The following RIT2 variants were observed in gnomAD, a reference collection of about 807,000 sequenced individuals.
The protein encoded by RIT2 is GTP-binding protein Rit2.
In RIT2, 24 loss-of-function variants were observed where a neutral mutation model predicts 23.7. The ratio of observed to expected loss-of-function variants is 1.01; its 90% CI spans 0.73 to 1.43. The LOEUF (loss-of-function observed/expected upper bound fraction) is 1.43, where lower values mean the gene tolerates loss of function less well. Among genes scored for constraint, RIT2 ranks in the 40% most tolerant of loss-of-function variants. The pLI is 0.00. For synonymous variants in RIT2, 107 were observed against 91.1 expected (o/e 1.17, Z -0.99); for missense variants, 236 against 266.9 (o/e 0.88, Z 0.81).
intron 4 of RIT2, among the ~76,000 whole-genome samples, chr18:42,797,164 C>T (rs1905389759): frequency 6.6e-6 from 1 of 152,150 alleles, no homozygotes; most frequent in Non-Finnish European, 1.5e-5. Context: ...TCCTTCCCTG[C>T]TCTTTAGCTT....
chr18:42,837,015 C>G (rs1906623041), intron 4 of RIT2, among the ~76,000 whole-genome samples: 2 of 152,082 alleles, frequency 1.3e-5, no homozygotes, highest in South Asian at 4.2e-4. Flanking sequence ...CTTCTTCCAA[C>G]TGTCATACCT....
chr18:42,975,070 C>A (rs900131540), intron 2 of RIT2, among the ~76,000 whole-genome samples: 3 of 152,056 alleles, frequency 2.0e-5, no homozygotes, highest in African/African-American at 7.2e-5. Flanking sequence ...CTGATTTTCA[C>A]TCCCAGCAGC....
intron 1 of RIT2, among the ~76,000 whole-genome samples, chr18:43,089,294 G>A (rs189449365): frequency 5.9e-5 from 9 of 151,972 alleles, no homozygotes; most frequent in Admixed American, 2.0e-4. Context: ...ATGAAGCCGA[G>A]AGCCAAATCA....
intron 4 of RIT2, among the ~76,000 whole-genome samples, chr18:42,870,624 G>A (rs1345299660): frequency 1.3e-5 from 2 of 152,018 alleles, no homozygotes; most frequent in Non-Finnish European, 2.9e-5. Flanking sequence ...TCTTTAAAAC[G>A]CTACTACTGA....
rs528463319 is a variant in RIT2, at chr18:43,019,804, A to T, written c.160+14007T>A. ...AGAAAACCCTAAAGACTCCGCTAGA[A>T]TACACTTAGATCTGATAAATGTATT... On this transcript the variant is annotated intron_variant, in intron 2 of 4. Coordinates refer to ENST00000326695, the MANE Select transcript of RIT2 (RefSeq NM_002930.4). Among the ~76,000 whole-genome samples the T allele has an allele frequency of 4.6e-5, 7 of 152,248 alleles. No individual in the cohort carries two copies. The East Asian group carries it at 1.4e-3, about 29-fold the overall frequency.
intron 4 of RIT2, among the ~76,000 whole-genome samples, chr18:42,919,810 T>C (rs1015703547): frequency 6.6e-6 from 1 of 152,124 alleles, no homozygotes; most frequent in African/African-American, 2.4e-5. Context: ...TGCTTCTACT[T>C]TGCACAGCCG....
At chr18:43,113,728 T>C (rs762863969) in intron 1 of RIT2, among the ~76,000 whole-genome samples, 8 of 152,138 alleles carry the variant, frequency 5.3e-5, no homozygotes, top group Non-Finnish European at 1.2e-4. Flanking sequence ...AGGCTAAAAA[T>C]CAGTCACTCT....
intron 1 of RIT2, among the ~76,000 whole-genome samples, chr18:43,083,953 C>G (rs1913219493): frequency 6.6e-6 from 1 of 152,116 alleles, no homozygotes; most frequent in Non-Finnish European, 1.5e-5. Context: ...AGGCAACCCA[C>G]AGAATGGGAC....
intron 4 of RIT2, among the ~76,000 whole-genome samples, chr18:42,800,512 T>C (rs1905500788): frequency 8.7e-6 from 1 of 115,414 alleles, no homozygotes; most frequent in African/African-American, 3.6e-5. Flanking sequence ...TTGAAGCAGT[T>C]ACATTCTTTT....
intron 2 of RIT2, among the ~76,000 whole-genome samples, chr18:42,995,617 C>A (rs988370483): frequency 6.6e-6 from 1 of 151,262 alleles, no homozygotes; most frequent in Non-Finnish European, 1.5e-5. Context: ...AGGAAAGGTA[C>A]AACGGACTAA....
chr18:43,038,878 C>T (rs1309336255), intron 1 of RIT2, among the ~76,000 whole-genome samples: 2 of 151,822 alleles, frequency 1.3e-5, no homozygotes, highest in Admixed American at 6.6e-5. Context: ...GTTGTCTTCT[C>T]TCAGGTTAGT....
intron 4 of RIT2, among the ~76,000 whole-genome samples, chr18:42,792,772 A>T (rs1176588868): frequency 1.3e-5 from 2 of 152,164 alleles, no homozygotes; most frequent in East Asian, 3.8e-4. Context: ...TTTTTTGTGT[A>T]ACCATAAATT....
intron 4 of RIT2, among the ~76,000 whole-genome samples, chr18:42,839,206 G>A (rs1906697816): frequency 2.6e-5 from 4 of 152,186 alleles, no homozygotes; most frequent in Non-Finnish European, 2.9e-5. Context: ...CCATTAGAGG[G>A]CCATTTTTTA....
intron 4 of RIT2, among the ~76,000 whole-genome samples, chr18:42,858,052 G>A (rs565108683): frequency 1.7e-3 from 255 of 152,150 alleles, no homozygotes; most frequent in African/African-American, 4.7e-3. Flanking sequence ...ATGGTGGCGC[G>A]CGCCTGTAAT....
chr18:43,102,549 T>A lies in RIT2; in HGVS notation c.103+12868A>T, dbSNP rs553924196. 1.3e-4 allele frequency among the ~76,000 whole-genome samples: 19 copies of A among 151,624 alleles called. No individual in the cohort carries two copies. In the South Asian group the frequency reaches 3.8e-3, roughly 30 times the overall value. The stretch of plus-strand genomic sequence containing the variant: ...CATGAGCTATTTTCATGGTTTCATA[T>A]GTCAGTTATCCTAATCTTTTGCTTT... On this transcript the variant is annotated intron_variant, in intron 1 of 4. Coordinates refer to ENST00000326695, the MANE Select transcript of RIT2 (RefSeq NM_002930.4).
intron 4 of RIT2, among the ~76,000 whole-genome samples, chr18:42,890,747 A>G (rs1908149784): frequency 1.3e-5 from 2 of 152,110 alleles, no homozygotes; most frequent in Non-Finnish European, 2.9e-5. Context: ...ACATTCTTTC[A>G]GCTATGTTGC....
chr18:43,059,591 C>T (rs1912594707), intron 1 of RIT2, among the ~76,000 whole-genome samples: 1 of 152,210 alleles, frequency 6.6e-6, no homozygotes. Flanking sequence ...ATCTTGCATA[C>T]CAAAGTTCCA....
chr18:43,002,060 G>C (rs1911119905), intron 2 of RIT2, among the ~76,000 whole-genome samples: 2 of 151,962 alleles, frequency 1.3e-5, no homozygotes, highest in Admixed American at 1.3e-4. Flanking sequence ...TCGGCAAGCT[G>C]AGTAGCAAGA....
chr18:43,022,181 A>C (rs1161985652), intron 2 of RIT2, among the ~76,000 whole-genome samples: 1 of 152,118 alleles, frequency 6.6e-6, no homozygotes, highest in Non-Finnish European at 1.5e-5. Context: ...GAGGTCATTA[A>C]ATTAAGTGAA....
Sources: gnomAD v4.1 joint callset for allele counts (sites outside exome capture counted in the v4.1 genomes callset) on GRCh38, gnomAD v4.1.1 for gene constraint, MANE v1.5 for transcripts, NCBI Gene and HGNC (gene_info 2026-07-23, HGNC 2026-07-21) for gene names.